SMOC2: variants seen among roughly 807,000 people sequenced by gnomAD.
SMOC2 encodes SPARC related modular calcium binding 2, also known as SPARC-related modular calcium-binding protein 2.
SMOC2 carries 39 observed loss-of-function variants against 61.4 expected under a neutral mutation model. The ratio of observed to expected loss-of-function variants is 0.64; its 90% CI spans 0.49 to 0.83. SMOC2 has a LOEUF of 0.83. Among genes scored for constraint, SMOC2 ranks in the 40% least tolerant of loss-of-function variants. The pLI is 0.00. For synonymous variants in SMOC2, 247 were observed against 239.9 expected (o/e 1.03, Z -0.27); for missense variants, 556 against 592.9 (o/e 0.94, Z 0.65).
At chr6:168,624,772 GAC>G (rs921886664) in intron 9 of SMOC2, among the ~76,000 whole-genome samples, 5 of 101,008 alleles carry the variant, frequency 5.0e-5, no homozygotes, top group Admixed American at 9.7e-5. Flanking sequence ...CATGCACACA[GAC>G]ACAACAATAC....
chr6:168,471,235 G>A (rs1207251354), intron 1 of SMOC2, among the ~76,000 whole-genome samples: 2 of 152,080 alleles, frequency 1.3e-5, no homozygotes, highest in Admixed American at 6.5e-5. Flanking sequence ...AGCCCTAGTA[G>A]CCACCATTCT....
chr6:168,546,706 G>A (rs1386880208), intron 5 of SMOC2, among the ~76,000 whole-genome samples: 4 of 152,128 alleles, frequency 2.6e-5, no homozygotes, highest in African/African-American at 9.7e-5. Flanking sequence ...ACAGGGCTCT[G>A]CTCAACCCCA....
intron 12 of SMOC2, 49 bp from the exon 13 acceptor site, chr6:168,666,372 G>A (rs925498492): frequency 1.2e-5 from 19 of 1,612,234 alleles, no homozygotes; most frequent in Middle Eastern, 1.6e-4. Context: ...ACAGATGAGC[G>A]ACACACACCT....
At chr6:168,550,909 T>C (rs1161716542) in intron 7 of SMOC2, among the ~76,000 whole-genome samples, 1 of 152,252 alleles carries the variant, frequency 6.6e-6, no homozygotes, top group Non-Finnish European at 1.5e-5. Flanking sequence ...AATTTGTATA[T>C]GAGAGATTAA....
chr6:168,526,499 G>A (rs1459643445), intron 3 of SMOC2, 47 bp downstream of exon 3: 1 of 1,507,808 alleles, frequency 6.6e-7, no homozygotes, highest in East Asian at 2.3e-5. Context: ...GATTAGGGAG[G>A]GAGATGTGGA....
At chr6:168,574,088 C>A (rs71573473) in intron 7 of SMOC2, among the ~76,000 whole-genome samples, 1 of 152,230 alleles carries the variant, frequency 6.6e-6, no homozygotes, top group East Asian at 1.9e-4. Flanking sequence ...TGGAAACAAG[C>A]GCACTCAATA....
rs1403258727 is a variant in SMOC2 at position 168,523,084 on chromosome 6, T to C, written c.257-3262T>C. Among the ~76,000 whole-genome samples, 5 of 88,188 alleles carry C rather than the reference T, an allele frequency of 5.7e-5. 1 individual carries two copies. 57.9% of individuals were successfully genotyped at this position (88,188 alleles called of 152,430 possible). A position where few individuals can be genotyped will look rare whatever the true frequency, so the allele number is the denominator to read the frequency against. ...TTATTTGTAGTTGTACAGTAATTTT[T>C]TTTTTTTTTTTTTTTGAGACGGAGT... On this transcript the variant is annotated intron_variant, in intron 2 of 12. Coordinates refer to ENST00000356284, the MANE Select transcript of SMOC2 (RefSeq NM_001166412.2).
At chr6:168,460,225 C>T (rs573317899) in intron 1 of SMOC2, among the ~76,000 whole-genome samples, 1 of 152,182 alleles carries the variant, frequency 6.6e-6, no homozygotes, top group South Asian at 2.1e-4. Context: ...AAATGAAATC[C>T]CCTAGACCCC....
chr6:168,601,217 G>T (rs369460377), intron 8 of SMOC2, among the ~76,000 whole-genome samples: 2 of 152,206 alleles, frequency 1.3e-5, no homozygotes, highest in Admixed American at 1.3e-4. Context: ...CACCAAGATC[G>T]GGTCCACCCA....
chr6:168,444,037 G>T (rs1781276660), intron 1 of SMOC2, among the ~76,000 whole-genome samples: 1 of 152,210 alleles, frequency 6.6e-6, no homozygotes, highest in Non-Finnish European at 1.5e-5. Flanking sequence ...GTATAAGAGA[G>T]TGCTATCAAT....
chr6:168,442,556 T>G (rs1781239104), intron 1 of SMOC2, among the ~76,000 whole-genome samples: 1 of 152,222 alleles, frequency 6.6e-6, no homozygotes, highest in Non-Finnish European at 1.5e-5. Context: ...AACACGAAGG[T>G]AGTGAGAACG....
intron 9 of SMOC2, among the ~76,000 whole-genome samples, chr6:168,638,203 A>G (rs936125111): frequency 1.3e-5 from 2 of 151,686 alleles, no homozygotes; most frequent in East Asian, 1.9e-4. Context: ...TTTAGTCCCC[A>G]GATAAATAAT....
At chr6:168,582,880 T>G (rs1562362021) in intron 7 of SMOC2, among the ~76,000 whole-genome samples, 1 of 151,812 alleles carries the variant, frequency 6.6e-6, no homozygotes, top group Non-Finnish European at 1.5e-5. Context: ...CCCTCCCGGT[T>G]TTTATCTTTC....
chr6:168,489,997 T>C (rs923265766), intron 1 of SMOC2, among the ~76,000 whole-genome samples: 2 of 152,064 alleles, frequency 1.3e-5, no homozygotes, highest in African/African-American at 4.8e-5. Flanking sequence ...TATCGAATCA[T>C]CTGGGTCCCC....
At chr6:168,586,954 C>A (rs533176924) in intron 7 of SMOC2, among the ~76,000 whole-genome samples, 1 of 152,136 alleles carries the variant, frequency 6.6e-6, no homozygotes, top group Non-Finnish European at 1.5e-5. Flanking sequence ...TAGCTATAGA[C>A]TTTTCAAATA....
At position 168,547,185 on chromosome 6, in the gene SMOC2, G is replaced by T. The variant is rs878867740; in HGVS notation, c.562+16G>T. The T allele has an allele frequency of 1.2e-6, 2 of 1,613,300 alleles. No homozygotes were observed. The highest frequency in any genetic ancestry group is 1.7e-5 in the Admixed American group (1 of 60,016). ...GATGAAGAAGGTGAGCCGGGGTGGG[G>T]ATTGCACAGTCTGGGTTGGGGAGGA... is the stretch of plus-strand genomic sequence containing the variant. On this transcript the variant is annotated intron_variant, in intron 6 of 12. Transcript: ENST00000356284.
intron 12 of SMOC2, among the ~76,000 whole-genome samples, chr6:168,665,810 A>C (rs1787648745): frequency 6.6e-6 from 1 of 152,248 alleles, no homozygotes; most frequent in Admixed American, 6.5e-5. Flanking sequence ...CCTAAACTTT[A>C]AAATTTAATT....
At position 168,526,483 on chromosome 6, in the gene SMOC2, C is replaced by A; in HGVS notation, c.363+31C>A. The A allele has an allele frequency of 2.5e-6, 4 of 1,578,692 alleles. No individual in the cohort carries two copies. In the South Asian group the frequency reaches 4.4e-5, roughly 17 times the overall value. ...CGGCCTTGCTTGGGAGGTTCTGCAC[C>A]TGTGCGATTAGGGAGGGAGATGTGG... On this transcript the variant is annotated intron_variant, in intron 3 of 12. Coordinates refer to ENST00000356284, the MANE Select transcript of SMOC2 (RefSeq NM_001166412.2).
intron 2 of SMOC2, among the ~76,000 whole-genome samples, chr6:168,517,507 A>T (rs1783171743): frequency 6.6e-6 from 1 of 151,956 alleles, no homozygotes; most frequent in South Asian, 2.1e-4. Context: ...CTGCCGGGGG[A>T]GCAGCTTTGC....
Sources: gnomAD v4.1 joint callset for allele counts (sites outside exome capture counted in the v4.1 genomes callset) on GRCh38, gnomAD v4.1.1 for gene constraint, MANE v1.5 for transcripts, NCBI Gene and HGNC (gene_info 2026-07-23, HGNC 2026-07-21) for gene names.